Variants in SLC13A2 observed in about 807,000 individuals in gnomAD.
SLC13A2 encodes the protein solute carrier family 13 member 2.
SLC13A2 carries 40 observed loss-of-function variants against 58.5 expected under a neutral mutation model. That is an observed-to-expected ratio of 0.68 (90% CI 0.53 to 0.89). SLC13A2 has a LOEUF of 0.89. Among genes scored for constraint, SLC13A2 ranks in the 40% least tolerant of loss-of-function variants. The pLI, the probability that SLC13A2 is intolerant of heterozygous loss-of-function variation, is 0.00. For missense variants in SLC13A2, 694 were observed against 772.6 expected, an observed-to-expected ratio of 0.90 and a Z score of 1.21; for synonymous variants, 341 against 331.6, an observed-to-expected ratio of 1.03 and a Z score of -0.31.
Position 28,490,499 on chromosome 17 carries a change from G to T in SLC13A2, c.277G>T (p.Gly93Trp), listed in dbSNP as rs782470311. 3.1e-6 allele frequency: 5 copies of T among 1,613,998 alleles called. No individual in the cohort carries two copies. Among genetic ancestry groups the T allele is most frequent in the Admixed American group, 1.7e-5 (1 of 60,000 alleles). Reference sequence around the variant, plus strand: ...GGACTCCAACCTCCTGTTCTTCGGGGGGCTGCTGGTGGCCATCGCGGTGGA... The same window carrying T: ...GGACTCCAACCTCCTGTTCTTCGGGTGGCTGCTGGTGGCCATCGCGGTGGA... ...LKDSNLLFFG[G>W]LLVAIAVEHW... The change falls in exon 3 of 12, where the codon GGG (glycine) becomes TGG (tryptophan). Residue 93 changes from glycine to tryptophan, a missense_variant. Gly to Trp is a radical substitution (Grantham distance 184). Transcript: ENST00000314669.
At chr17:28,477,383 A>G (rs951869871) in intron 1 of SLC13A2, among the ~76,000 whole-genome samples, 3 of 151,250 alleles carry the variant, frequency 2.0e-5, no homozygotes, top group Non-Finnish European at 4.4e-5. Flanking sequence ...TTTAGTAGAG[A>G]CGGGGTTTCA....
intron 1 of SLC13A2, among the ~76,000 whole-genome samples, chr17:28,487,902 G>C (rs908308304): frequency 6.6e-6 from 1 of 152,132 alleles, no homozygotes; most frequent in Admixed American, 6.5e-5. Context: ...AATTACTGGG[G>C]CACCATTCAC....
intron 1 of SLC13A2, among the ~76,000 whole-genome samples, chr17:28,486,556 G>A (rs528021182): frequency 1.4e-4 from 21 of 152,194 alleles, no homozygotes; most frequent in African/African-American, 4.6e-4. Context: ...ATGGAACTTC[G>A]GAACAGGTCT....
chr17:28,475,427 T>C (rs1555599728), intron 1 of SLC13A2, among the ~76,000 whole-genome samples: 1 of 152,174 alleles, frequency 6.6e-6, no homozygotes. Context: ...TCCTACAAGA[T>C]AAATATTTCC....
chr17:28,480,970 C>T (rs904791554), intron 1 of SLC13A2, among the ~76,000 whole-genome samples: 3 of 152,100 alleles, frequency 2.0e-5, no homozygotes, highest in African/African-American at 7.2e-5. Context: ...AGAAGAAGGA[C>T]CCAGCCTCAA....
At position 28,480,460 on chromosome 17, in the gene SLC13A2, C is replaced by T. The variant is rs1169804566; in HGVS notation, c.102+6646C>T. Among the ~76,000 whole-genome samples, 9 of 152,314 alleles carry T rather than the reference C, an allele frequency of 5.9e-5. No individual in the cohort carries two copies. The East Asian group carries it at 1.5e-3, about 26-fold the overall frequency. On this transcript the variant is annotated intron_variant, in intron 1 of 11. Transcript: ENST00000314669. ...GAATTTGGACCTCTGTTCTGGGCCC[C>T]ACCTCTACCTTTTGAGATTTCTTGG...
At chr17:28,482,886 C>A (rs1555601364) in intron 1 of SLC13A2, among the ~76,000 whole-genome samples, 2 of 152,232 alleles carry the variant, frequency 1.3e-5, no homozygotes, top group African/African-American at 4.8e-5. Flanking sequence ...CCTCTGAGCG[C>A]CATTCTTCTG....
intron 1 of SLC13A2, among the ~76,000 whole-genome samples, chr17:28,477,124 C>T (rs1555600081): frequency 6.6e-6 from 1 of 151,370 alleles, no homozygotes. Context: ...CACGCCATTG[C>T]ACTCCAGTCT....
chr17:28,484,182 T>C lies in SLC13A2; in HGVS notation c.103-5032T>C, dbSNP rs576042312. On this transcript the variant is annotated intron_variant, in intron 1 of 11. Coordinates refer to ENST00000314669, the MANE Select transcript of SLC13A2 (RefSeq NM_003984.4). ...GTCTGACAACAAAGATTGATACTCA[T>C]CTTTTAGTCCCTAAAACTAAATGTT... Among the ~76,000 whole-genome samples the C allele has an allele frequency of 5.3e-5, 8 of 152,356 alleles. No homozygotes were observed. The South Asian group carries it at 1.7e-3, about 32-fold the overall frequency.
At chr17:28,487,955 AC>A (rs1555602264) in intron 1 of SLC13A2, among the ~76,000 whole-genome samples, 1 of 152,050 alleles carries the variant, frequency 6.6e-6, no homozygotes, top group Non-Finnish European at 1.5e-5. Flanking sequence ...CTTGAAAGTT[AC>A]CCAATCCCAA....
chr17:28,497,343 C>T lies in SLC13A2; in HGVS notation c.*74C>T, dbSNP rs2069167166. On this transcript the variant is annotated 3_prime_UTR_variant, in exon 12 of 12. Transcript: ENST00000314669. ...TCCTCTGAGCCCGGAGGGGACACCCCAAGCTCCAAGCTCCAAGCTCCAGGC... is the reference window on the plus strand; with the variant it reads ...TCCTCTGAGCCCGGAGGGGACACCCTAAGCTCCAAGCTCCAAGCTCCAGGC... The T allele has an allele frequency of 4.9e-6, 7 of 1,441,806 alleles. No homozygotes were observed. Among genetic ancestry groups the T allele is most frequent in the East Asian group, 4.6e-5 (2 of 43,548 alleles). 89.3% of individuals were successfully genotyped at this position (1,441,806 alleles called of 1,614,324 possible).
chr17:28,485,231 A>G (rs1170188916), intron 1 of SLC13A2, among the ~76,000 whole-genome samples: 1 of 152,160 alleles, frequency 6.6e-6, no homozygotes, highest in African/African-American at 2.4e-5. Flanking sequence ...AGGGGCCACC[A>G]GGGACTGTGG....
chr17:28,481,169 G>A (rs908416215), intron 1 of SLC13A2, among the ~76,000 whole-genome samples: 4 of 152,206 alleles, frequency 2.6e-5, no homozygotes, highest in South Asian at 2.1e-4. Flanking sequence ...GATCAAATTC[G>A]TAGAGGAGCT....
Position 28,491,732 on chromosome 17 carries a change from T to A in SLC13A2, c.758T>A (p.Leu253His). The A allele has an allele frequency of 6.2e-7, 1 of 1,614,120 alleles. No individual in the cohort carries two copies. Among genetic ancestry groups the A allele is most frequent in the Non-Finnish European group, 8.5e-7 (1 of 1,179,982 alleles). The change falls in exon 6 of 12, where the codon CTC becomes CAC. Residue 253 changes from leucine to histidine, a missense_variant and splice_region_variant. Physicochemically the swap from Leu to His is moderately conservative, Grantham distance 99. Coordinates refer to ENST00000314669, the MANE Select transcript of SLC13A2 (RefSeq NM_003984.4). Reference protein sequence around the residue: ...NLVLQGQINSLFPQNGNVVNF... With the variant: ...NLVLQGQINSHFPQNGNVVNF... ...GGCAGCCCATGTTCCTCCTTCAGGC[T>A]CTTCCCCCAAAACGGCAACGTGGTG...
chr17:28,496,538 C>T lies in SLC13A2; in HGVS notation c.1559C>T (p.Pro520Leu), dbSNP rs1362735236. The change falls in exon 11 of 12, where the codon CCG becomes CTG. Residue 520 changes from proline to leucine, a missense_variant. Transcript: ENST00000314669. This position sits in a 1 kb window ranked among gnomAD's most constrained non-coding sequence, Gnocchi z 4.2. ...SLAFMLPVAT[P>L]PNAIVFSFGD... Reference sequence around the variant, plus strand: ...GCCTTCATGTTGCCTGTGGCCACCCCGCCCAATGCCATCGTCTTCTCTTTC... The same window carrying T: ...GCCTTCATGTTGCCTGTGGCCACCCTGCCCAATGCCATCGTCTTCTCTTTC... 1.9e-6 allele frequency: 3 copies of T among 1,613,808 alleles called. No individual in the cohort carries two copies. Among genetic ancestry groups the T allele is most frequent in the Middle Eastern group, 1.7e-4 (1 of 6,058 alleles).
At chr17:28,476,717 G>T (rs117620077) in intron 1 of SLC13A2, among the ~76,000 whole-genome samples, 6 of 152,260 alleles carry the variant, frequency 3.9e-5, no homozygotes, top group African/African-American at 1.2e-4. Flanking sequence ...TTTGTTTATA[G>T]GGTGTTTACT....
rs1218747769 is a variant in SLC13A2 at position 28,494,277 on chromosome 17, TC to T, written c.1187-110del. The T allele has an allele frequency of 2.5e-6, 4 of 1,573,896 alleles. No homozygotes were observed. The East Asian group carries it at 9.0e-5, about 35-fold the overall frequency. On this transcript the variant is annotated intron_variant, in intron 8 of 11. Coordinates refer to ENST00000314669, the MANE Select transcript of SLC13A2 (RefSeq NM_003984.4). The surrounding 1 kb of genome is among the most constrained non-coding windows in gnomAD (Gnocchi z 4.0). ...AGTTGAGATGTTGCAGAACTGAGGG[TC>T]CCCTCCTGCACGCGTTAAGCTCCAA...
intron 1 of SLC13A2, among the ~76,000 whole-genome samples, chr17:28,475,488 A>C (rs2068655148): frequency 6.6e-6 from 1 of 152,118 alleles, no homozygotes; most frequent in African/African-American, 2.4e-5. Flanking sequence ...AATATCTCTC[A>C]TCTTAAACAA....
chr17:28,494,383 G>A lies in SLC13A2; in HGVS notation c.1187-8G>A, dbSNP rs368064753. The A allele has an allele frequency of 1.2e-6, 2 of 1,614,050 alleles. No homozygotes were observed. Among genetic ancestry groups the A allele is most frequent in the Non-Finnish European group, 1.7e-6 (2 of 1,180,032 alleles). On this transcript the variant is annotated splice_polypyrimidine_tract_variant and splice_region_variant and intron_variant, in intron 8 of 11. Transcript: ENST00000314669. This position sits in a 1 kb window ranked among gnomAD's most constrained non-coding sequence, Gnocchi z 4.0. ...TTGGTGACCCATCCTTCTCTGCTTGGGAAGTAGAAAACCCAGGGAAGCTGA... is the reference window on the plus strand; with the variant it reads ...TTGGTGACCCATCCTTCTCTGCTTGAGAAGTAGAAAACCCAGGGAAGCTGA...
Sources: allele counts gnomAD v4.1 joint callset (sites outside exome capture counted in the v4.1 genomes callset), GRCh38; gene constraint gnomAD v4.1.1; non-coding constraint Gnocchi (gnomAD v3.1); transcripts MANE v1.5; gene names NCBI Gene and HGNC (gene_info 2026-07-23, HGNC 2026-07-21).